The following MYO15B variants were observed in gnomAD, a reference collection of about 807,000 sequenced individuals.
MYO15B encodes the protein myosin XVB.
Under a neutral mutation model 119.3 loss-of-function variants are expected in MYO15B, and 207 were observed. The observed-to-expected ratio is 1.73, with a 90% CI of 1.55 to 1.95. The LOEUF (loss-of-function observed/expected upper bound fraction) is 1.95, where lower values mean the gene tolerates loss of function less well. Among genes scored for constraint, MYO15B ranks in the 30% most tolerant of loss-of-function variants. MYO15B has a pLI of 0.00. For synonymous variants in MYO15B, 966 were observed against 498.9 expected (o/e 1.94, Z -12.48); for missense variants, 2,264 against 1,203.1 (o/e 1.88, Z -13.04).
chr17:75,623,362 C>T (rs924145979), intron 53 of MYO15B, among the ~76,000 whole-genome samples: 1 of 152,024 alleles, frequency 6.6e-6, no homozygotes, highest in East Asian at 1.9e-4. Context: ...GGCACGGAGG[C>T]CCACATCTGT....
Position 75,589,442 on chromosome 17 carries a change from G to A in MYO15B, c.1385G>A (p.Cys462Tyr), listed in dbSNP as rs2056291670. 3 of 396,170 alleles carry A rather than the reference G, an allele frequency of 7.6e-6. No homozygotes were observed. The highest frequency in any genetic ancestry group is 1.3e-5 in the Non-Finnish European group (3 of 225,430). 24.5% of individuals were successfully genotyped at this position (396,170 alleles called of 1,614,324 possible). A position where few individuals can be genotyped will look rare whatever the true frequency, so the allele number is the denominator to read the frequency against. The change falls in exon 1 of 64, where the codon TGC (cysteine) becomes TAC (tyrosine). Residue 462 changes from cysteine (C) to tyrosine (Y), a missense_variant. Coordinates refer to ENST00000645453, the Ensembl canonical transcript of MYO15B. The surrounding 1 kb of genome is among the most constrained non-coding windows in gnomAD (Gnocchi z 4.2). Reference sequence around the variant, plus strand: ...GAGCGAGGGTACGAGGGGCGGGGCTGCGGGAAAGCGGACGAGGGGCGGGGT... The same window carrying A: ...GAGCGAGGGTACGAGGGGCGGGGCTACGGGAAAGCGGACGAGGGGCGGGGT...
Position 75,589,734 on chromosome 17 carries a change from C to T in MYO15B, c.1677C>T (p.Ser559=), listed in dbSNP as rs1232124832. 1 of 398,790 alleles carries T rather than the reference C, an allele frequency of 2.5e-6. No homozygotes were observed. Among genetic ancestry groups the T allele is most frequent in the East Asian group, 3.6e-5 (1 of 28,058 alleles). 24.7% of individuals were successfully genotyped at this position (398,790 alleles called of 1,614,324 possible). A position where few individuals can be genotyped will look rare whatever the true frequency, so the allele number is the denominator to read the frequency against. ...ACAGGGCAGGGCGGGCGTCGAGCAG[C>T]CGCAGCTCTGAAGAAGCGTCCGCAG... The change falls in exon 1 of 64, where the codon AGC becomes AGT. Residue 559 remains serine (S), a synonymous_variant. Transcript: ENST00000645453. This position sits in a 1 kb window ranked among gnomAD's most constrained non-coding sequence, Gnocchi z 4.2.
chr17:75,609,734 C>T (rs1430805308), intron 21 of MYO15B, among the ~76,000 whole-genome samples: 1 of 132,190 alleles, frequency 7.6e-6, no homozygotes, highest in Non-Finnish European at 1.6e-5. Context: ...CTGATGGAGT[C>T]TTGGTCTGTC....
At chr17:75,617,387 A>C in intron 41 of MYO15B, 83 bp downstream of exon 41, 1 of 568,388 alleles carries the variant, frequency 1.8e-6, no homozygotes, top group Non-Finnish European at 3.1e-6. Context: ...CCCAGGGCTG[A>C]AGGCATTTCT....
In MYO15B at chr17:75,613,694, T is replaced by C. The variant is rs949740460; in HGVS notation, c.5147-11T>C. 5 of 700,922 alleles carry C rather than the reference T, an allele frequency of 7.1e-6. No homozygotes were observed. Among genetic ancestry groups the C allele is most frequent in the African/African-American group, 7.0e-5 (4 of 57,156 alleles). 43.4% of individuals were successfully genotyped at this position (700,922 alleles called of 1,614,324 possible). On this transcript the variant is annotated splice_polypyrimidine_tract_variant and intron_variant, in intron 28 of 63. Transcript: ENST00000645453. ...CCCTCACTCTTGCCCCCGCCCCCCA[T>C]GCCCCTGCAGAGGAGTGCTACTCGG...
chr17:75,604,511 C>G (rs2057494959), intron 19 of MYO15B, among the ~76,000 whole-genome samples: 1 of 141,522 alleles, frequency 7.1e-6, no homozygotes, highest in African/African-American at 2.6e-5. Context: ...CTCCCACGCC[C>G]CTCCCTCCCT....
At chr17:75,590,575 C>A (rs1449341638) in intron 1 of MYO15B, 51 bp from the exon 2 acceptor site, 1 of 276,676 alleles carries the variant, frequency 3.6e-6, no homozygotes, top group African/African-American at 2.2e-5. Flanking sequence ...AACTAACCCA[C>A]AACCTCCTGC....
rs2056337438 is a variant in MYO15B, at chr17:75,590,063, A to ACCCGGGCCTCCGTGGGTCCCTGAGGGAGC, written c.2007_2035dup (p.Leu679ProfsTer8). ...GAGACCCGCCTGCAGCAGGAGGGAG[A>ACCCGGGCCTCCGTGGGTCCCTGAGGGAGC]CCCGGGCCTCCGTGGGTCCCTGAGG... On this transcript the variant is annotated frameshift_variant, in exon 1 of 64. Transcript: ENST00000645453. LOFTEE classifies it high-confidence loss of function. 3 of 398,798 alleles carry ACCCGGGCCTCCGTGGGTCCCTGAGGGAGC rather than the reference A, an allele frequency of 7.5e-6. No individual in the cohort carries two copies. Among genetic ancestry groups the ACCCGGGCCTCCGTGGGTCCCTGAGGGAGC allele is most frequent in the African/African-American group, 6.2e-5 (3 of 48,574 alleles). The allele number at this position is 398,798 out of a possible 1,614,324, so 24.7% of individuals were successfully genotyped here. A position where few individuals can be genotyped will look rare whatever the true frequency, so the allele number is the denominator to read the frequency against.
intron 22 of MYO15B, 27 bp downstream of exon 22, chr17:75,610,286 A>G (rs1335801915): frequency 4.5e-6 from 3 of 673,706 alleles, no homozygotes; most frequent in Admixed American, 2.2e-5. Context: ...GGGGCGGTTC[A>G]GGGTAGAAGC....
At position 75,592,012 on chromosome 17, in the gene MYO15B, C is replaced by CTGCTGAGGATGGT; in HGVS notation, c.2583_2584insTGCTGAGGATGGT (p.His862CysfsTer2). On this transcript the variant is annotated stop_gained and frameshift_variant, in exon 6 of 64. Transcript: ENST00000645453. LOFTEE classifies it high-confidence loss of function. ...TGCTGCCTATACTCAGCAGCTTTGG[C>CTGCTGAGGATGGT]CATGCCAAGACCATCCTCAATGCCA... The CTGCTGAGGATGGT allele has an allele frequency of 1.4e-6, 1 of 702,776 alleles. No homozygotes were observed. Among genetic ancestry groups the CTGCTGAGGATGGT allele is most frequent in the Non-Finnish European group, 2.6e-6 (1 of 384,972 alleles). 43.5% of individuals were successfully genotyped at this position (702,776 alleles called of 1,614,324 possible).
rs918283671 is a variant in MYO15B at position 75,589,225 on chromosome 17, C to T, written c.1168C>T (p.Pro390Ser). The change falls in exon 1 of 64, where the codon CCG (proline) becomes TCG (serine). Residue 390 changes from proline (P) to serine (S), a missense_variant. Coordinates refer to ENST00000645453, the Ensembl canonical transcript of MYO15B. The surrounding 1 kb of genome is among the most constrained non-coding windows in gnomAD (Gnocchi z 4.2). ...GCGGCGGCTGCGGCTGCGGCGGCGGCCGCCAGAGGGCGAGGGGCAGGGTAC... is the reference window on the plus strand; with the variant it reads ...GCGGCGGCTGCGGCTGCGGCGGCGGTCGCCAGAGGGCGAGGGGCAGGGTAC... The T allele has an allele frequency of 2.5e-6, 1 of 400,874 alleles. No individual in the cohort carries two copies. The highest frequency in any genetic ancestry group is 4.4e-6 in the Non-Finnish European group (1 of 228,422). 24.8% of individuals were successfully genotyped at this position (400,874 alleles called of 1,614,324 possible). A position where few individuals can be genotyped will look rare whatever the true frequency, so the allele number is the denominator to read the frequency against.
intron 21 of MYO15B, among the ~76,000 whole-genome samples, chr17:75,609,028 G>C (rs921600587): frequency 6.6e-6 from 1 of 151,982 alleles, no homozygotes; most frequent in African/African-American, 2.4e-5. Context: ...CACCACGCCT[G>C]GCCTTTTTTG....
chr17:75,607,161 T>C (rs997920957), intron 21 of MYO15B: 1 of 389,774 alleles, frequency 2.6e-6, no homozygotes, highest in Admixed American at 4.5e-5. Context: ...GCATCTCCAC[T>C]ATCTATTTCC....
intron 21 of MYO15B, among the ~76,000 whole-genome samples, chr17:75,607,431 AATTATTATTATT>A (rs71721337): frequency 1.0e-3 from 147 of 140,472 alleles, no homozygotes; most frequent in Non-Finnish European, 1.1e-3. Flanking sequence ...GTTAATAATT[AATTATTATTATT>A]ATTATTATTA....
chr17:75,600,441 T>TG (rs920770462), intron 14 of MYO15B, among the ~76,000 whole-genome samples: 20 of 151,804 alleles, frequency 1.3e-4, no homozygotes, highest in African/African-American at 4.3e-4. Flanking sequence ...TTTTTTTTTT[T>TG]TTGTTTAAGT....
At chr17:75,613,138 T>C in exon 27 of MYO15B, 1 of 702,656 alleles carries the variant, frequency 1.4e-6, no homozygotes, top group African/African-American at 1.7e-5. Context: ...AGAGCCAGCG[T>C]GGCTGGGCCC....
chr17:75,625,032 CAGTGGCAAAAGGAGGCTT>C, intron 59 of MYO15B, 73 bp from the exon 60 acceptor site: 1 of 658,206 alleles, frequency 1.5e-6, no homozygotes, highest in Non-Finnish European at 2.8e-6. Context: ...TGGGGGGTGA[CAGTGGCAAAAGGAGGCTT>C]GAGCCTCTAG....
At chr17:75,616,231 C>T (rs1240062711) in intron 37 of MYO15B, 81 bp from the exon 38 acceptor site, 2 of 588,570 alleles carry the variant, frequency 3.4e-6, no homozygotes, top group Non-Finnish European at 6.0e-6. Flanking sequence ...GTGTGCTCTG[C>T]TCCCCGGAGT....
At chr17:75,593,906 C>T (rs1481813089) in intron 9 of MYO15B, among the ~76,000 whole-genome samples, 1 of 133,502 alleles carries the variant, frequency 7.5e-6, no homozygotes, top group East Asian at 2.2e-4. Context: ...GCAACAAGAG[C>T]GAGACTCAGT....
Sources: allele counts gnomAD v4.1 joint callset (sites outside exome capture counted in the v4.1 genomes callset), GRCh38; gene constraint gnomAD v4.1.1; non-coding constraint Gnocchi (gnomAD v3.1); transcripts MANE v1.5; gene names NCBI Gene and HGNC (gene_info 2026-07-23, HGNC 2026-07-21).